Variants in SSBP2 observed in about 807,000 individuals in gnomAD.
SSBP2 encodes the protein single-stranded DNA-binding protein 2.
SSBP2 carries 17 observed loss-of-function variants against 61.8 expected under a neutral mutation model. The ratio of observed to expected loss-of-function variants is 0.28; its 90% CI spans 0.19 to 0.41. The LOEUF is 0.41. Ranked by LOEUF, SSBP2 falls within the 10% of genes least tolerant of loss-of-function variation. The probability of loss-of-function intolerance (pLI) is 1.00; values close to 1 mark genes in which losing one functional copy is unlikely to be tolerated. For missense variants in SSBP2, 310 were observed against 458.7 expected, an observed-to-expected ratio of 0.68 and a Z score of 2.96; for synonymous variants, 139 against 141.3, an observed-to-expected ratio of 0.98 and a Z score of 0.12.
At chr5:81,590,503 C>T (rs1465180196) in intron 4 of SSBP2, among the ~76,000 whole-genome samples, 2 of 152,176 alleles carry the variant, frequency 1.3e-5, no homozygotes, top group Admixed American at 6.5e-5. Flanking sequence ...AGATTGAATA[C>T]AAACTGGTAG....
At chr5:81,594,457 C>T (rs1442787020) in intron 4 of SSBP2, among the ~76,000 whole-genome samples, 1 of 152,006 alleles carries the variant, frequency 6.6e-6, no homozygotes, top group African/African-American at 2.4e-5. Context: ...AACAAGGATA[C>T]CCAGGAATTG....
At chr5:81,565,736 G>C (rs1773373213) in intron 4 of SSBP2, among the ~76,000 whole-genome samples, 1 of 152,046 alleles carries the variant, frequency 6.6e-6, no homozygotes, top group African/African-American at 2.4e-5. Context: ...TTATTTCAGA[G>C]TAGATACTTT....
At chr5:81,680,260 C>T (rs1305971697) in intron 1 of SSBP2, among the ~76,000 whole-genome samples, 3 of 149,300 alleles carry the variant, frequency 2.0e-5, no homozygotes, top group Non-Finnish European at 4.4e-5. Flanking sequence ...TGAGCCAATC[C>T]CTCATAATAA....
chr5:81,622,995 G>A (rs1459776834), intron 3 of SSBP2, among the ~76,000 whole-genome samples: 1 of 152,060 alleles, frequency 6.6e-6, no homozygotes, highest in African/African-American at 2.4e-5. Flanking sequence ...ATTTTTAGGA[G>A]AGTGAAAGTT....
intron 4 of SSBP2, among the ~76,000 whole-genome samples, chr5:81,614,738 T>C (rs1440101787): frequency 6.6e-6 from 1 of 152,178 alleles, no homozygotes; most frequent in South Asian, 2.1e-4. Flanking sequence ...CCCTCTTTTA[T>C]GGTTAGTTCT....
intron 5 of SSBP2, among the ~76,000 whole-genome samples, chr5:81,493,767 TA>T (rs61350493): frequency 0.025 from 3,673 of 148,460 alleles, 145 homozygotes; most frequent in African/African-American, 0.081. Context: ...AAAAAAAAAA[TA>T]AAATAAAATT....
At chr5:81,528,153 A>G (rs1186917211) in intron 4 of SSBP2, among the ~76,000 whole-genome samples, 1 of 152,040 alleles carries the variant, frequency 6.6e-6, no homozygotes, top group African/African-American at 2.4e-5. Flanking sequence ...TCCTTTGTAT[A>G]TGTAGTGCTT....
At chr5:81,608,468 G>A (rs1745097909) in intron 4 of SSBP2, among the ~76,000 whole-genome samples, 1 of 152,072 alleles carries the variant, frequency 6.6e-6, no homozygotes. Flanking sequence ...TTTTGAATAT[G>A]CTAAAAAATG....
At position 81,560,509 on chromosome 5, in the gene SSBP2, G is replaced by A. The variant is rs554285363; in HGVS notation, c.283-46792C>T. ...GGGTGTTTTAGCAAGGTACATAGCA[G>A]AAGTATTATTTTAGACAGACACGGA... On this transcript the variant is annotated intron_variant, in intron 4 of 16. Coordinates refer to ENST00000320672, the MANE Select transcript of SSBP2 (RefSeq NM_012446.5). Among the ~76,000 whole-genome samples, 56 of 152,112 alleles carry A rather than the reference G, an allele frequency of 3.7e-4. 1 individual carries two copies. The highest frequency in any genetic ancestry group is 2.3e-3 in the South Asian group (11 of 4,818).
At chr5:81,521,997 T>C (rs925702663) in intron 4 of SSBP2, among the ~76,000 whole-genome samples, 2 of 152,046 alleles carry the variant, frequency 1.3e-5, no homozygotes, top group Admixed American at 6.6e-5. Flanking sequence ...TCATGTGCTA[T>C]AAAAATATTA....
intron 4 of SSBP2, among the ~76,000 whole-genome samples, chr5:81,608,472 A>C (rs1745098290): frequency 6.6e-6 from 1 of 152,154 alleles, no homozygotes; most frequent in South Asian, 2.1e-4. Context: ...GAATATGCTA[A>C]AAAATGACTA....
At chr5:81,732,215 T>C (rs945287209) in intron 1 of SSBP2, among the ~76,000 whole-genome samples, 1 of 152,188 alleles carries the variant, frequency 6.6e-6, no homozygotes, top group Non-Finnish European at 1.5e-5. Context: ...AAAAATCCTT[T>C]CTCAGTTTCT....
At chr5:81,686,092 G>T (rs867475800) in intron 1 of SSBP2, among the ~76,000 whole-genome samples, 1 of 152,096 alleles carries the variant, frequency 6.6e-6, no homozygotes, top group Non-Finnish European at 1.5e-5. Context: ...ATCCACTCAG[G>T]TTAATTTTTA....
chr5:81,649,465 T>C (rs1486439574), intron 2 of SSBP2, among the ~76,000 whole-genome samples: 1 of 152,064 alleles, frequency 6.6e-6, no homozygotes, highest in African/African-American at 2.4e-5. Flanking sequence ...AATCATGTCT[T>C]TTACAGCAAG....
At chr5:81,425,167 C>T (rs1264994193) in intron 16 of SSBP2, among the ~76,000 whole-genome samples, 1 of 152,136 alleles carries the variant, frequency 6.6e-6, no homozygotes, top group Non-Finnish European at 1.5e-5. Flanking sequence ...GTTCATGTAC[C>T]ATAAAATCCA....
At chr5:81,575,062 G>A (rs1193944661) in intron 4 of SSBP2, among the ~76,000 whole-genome samples, 1 of 152,194 alleles carries the variant, frequency 6.6e-6, no homozygotes, top group Non-Finnish European at 1.5e-5. Context: ...GAGGTCGAGA[G>A]ATCAAGACCA....
At chr5:81,664,111 T>C (rs1028806198) in intron 1 of SSBP2, among the ~76,000 whole-genome samples, 5 of 142,986 alleles carry the variant, frequency 3.5e-5, no homozygotes, top group African/African-American at 1.4e-4. Flanking sequence ...TTAACTTTTT[T>C]TTTTGTTTTT....
At chr5:81,648,280 T>C (rs2153704613) in intron 2 of SSBP2, among the ~76,000 whole-genome samples, 1 of 152,236 alleles carries the variant, frequency 6.6e-6, no homozygotes, top group African/African-American at 2.4e-5. Flanking sequence ...TAACTAATGA[T>C]TTCATGAAAC....
chr5:81,536,700 G>A (rs931699157), intron 4 of SSBP2, among the ~76,000 whole-genome samples: 9 of 152,110 alleles, frequency 5.9e-5, no homozygotes, highest in Middle Eastern at 6.8e-3. Flanking sequence ...TCTATCACAG[G>A]ACAGGAAAAA....
Sources: allele counts gnomAD v4.1 joint callset (sites outside exome capture counted in the v4.1 genomes callset), GRCh38; gene constraint gnomAD v4.1.1; transcripts MANE v1.5; gene names NCBI Gene and HGNC (gene_info 2026-07-23, HGNC 2026-07-21).